The following STIM1 variants were observed in gnomAD, a reference collection of about 807,000 sequenced individuals.
STIM1 encodes the protein stromal interaction molecule 1.
Under a neutral mutation model 74.7 loss-of-function variants are expected in STIM1, and 25 were observed. The ratio of observed to expected loss-of-function variants is 0.33; its 90% CI spans 0.24 to 0.47. The LOEUF is 0.47. Among genes scored for constraint, STIM1 ranks in the 20% least tolerant of loss-of-function variants. The pLI, the probability that STIM1 is intolerant of heterozygous loss-of-function variation, is 1.00. For missense variants in STIM1, 728 were observed against 920.8 expected, an observed-to-expected ratio of 0.79 and a Z score of 2.71; for synonymous variants, 328 against 348.8, an observed-to-expected ratio of 0.94 and a Z score of 0.66.
At chr11:3,908,778 C>T (rs558343984) in intron 1 of STIM1, among the ~76,000 whole-genome samples, 1 of 152,180 alleles carries the variant, frequency 6.6e-6, no homozygotes, top group South Asian at 2.1e-4. Context: ...AACCACAAGC[C>T]TAGAAACCAG....
chr11:4,066,826 C>G (rs1219318882), intron 5 of STIM1, among the ~76,000 whole-genome samples: 2 of 152,118 alleles, frequency 1.3e-5, no homozygotes, highest in Non-Finnish European at 2.9e-5. Flanking sequence ...AGGGAGAAGA[C>G]AGTAGGAATT....
chr11:3,884,884 T>C (rs973450418), intron 1 of STIM1, among the ~76,000 whole-genome samples: 3 of 152,120 alleles, frequency 2.0e-5, no homozygotes, highest in African/African-American at 7.2e-5. Flanking sequence ...CTTGAAAACA[T>C]TATGCTAAGT....
At chr11:3,892,726 G>T (rs2091935151) in intron 1 of STIM1, 6 of 1,613,028 alleles carry the variant, frequency 3.7e-6, no homozygotes, top group Non-Finnish European at 5.1e-6. Context: ...GAATAATTCT[G>T]TGAAAGCAGG....
chr11:4,000,698 C>G (rs560942088), intron 2 of STIM1, among the ~76,000 whole-genome samples: 14 of 152,346 alleles, frequency 9.2e-5, no homozygotes, highest in African/African-American at 3.4e-4. Flanking sequence ...TCCAAAGGAA[C>G]GCAGTTCCTC....
At chr11:4,060,308 C>T (rs2094321680) in intron 5 of STIM1, among the ~76,000 whole-genome samples, 1 of 152,226 alleles carries the variant, frequency 6.6e-6, no homozygotes, top group African/African-American at 2.4e-5. Context: ...TTGGGAATGG[C>T]TGGCCTCGAT....
intron 1 of STIM1, among the ~76,000 whole-genome samples, chr11:3,856,950 T>C (rs1317594247): frequency 2.0e-5 from 3 of 152,158 alleles, no homozygotes; most frequent in Non-Finnish European, 4.4e-5. Context: ...ATTTGAAATA[T>C]CCAGGCGGTT....
chr11:4,072,833 T>A (rs1381039816), intron 6 of STIM1, among the ~76,000 whole-genome samples: 1 of 152,182 alleles, frequency 6.6e-6, no homozygotes, highest in Non-Finnish European at 1.5e-5. Flanking sequence ...GGGAAGGAGA[T>A]GGCAGGAAAT....
chr11:3,961,450 G>T, intron 1 of STIM1: 1 of 183,604 alleles, frequency 5.4e-6, no homozygotes. Context: ...GGCCAAATGA[G>T]AAGCATTGAA....
chr11:3,894,151 C>G (rs570244359), intron 1 of STIM1, among the ~76,000 whole-genome samples: 1 of 152,322 alleles, frequency 6.6e-6, no homozygotes, highest in African/African-American at 2.4e-5. Flanking sequence ...TAGCTGTTCT[C>G]TAACAGCACC....
intron 1 of STIM1, among the ~76,000 whole-genome samples, chr11:3,901,135 C>G (rs1161212795): frequency 6.6e-6 from 1 of 152,060 alleles, no homozygotes; most frequent in Non-Finnish European, 1.5e-5. Flanking sequence ...AGGCTGCAGT[C>G]ACACCACTGC....
At chr11:3,950,134 ATT>A (rs574446467) in intron 1 of STIM1, among the ~76,000 whole-genome samples, 12 of 132,154 alleles carry the variant, frequency 9.1e-5, no homozygotes, top group Non-Finnish European at 8.2e-5. Flanking sequence ...TAGGTCATTC[ATT>A]TTTTTTTTTT....
At chr11:4,032,975 G>T (rs578257383) in intron 3 of STIM1, among the ~76,000 whole-genome samples, 1 of 152,186 alleles carries the variant, frequency 6.6e-6, no homozygotes, top group South Asian at 2.1e-4. Context: ...TTCTTCTAGG[G>T]TTTTTATGGT....
chr11:4,004,040 G>C (rs941558681), intron 2 of STIM1, among the ~76,000 whole-genome samples: 3 of 152,190 alleles, frequency 2.0e-5, no homozygotes, highest in Non-Finnish European at 2.9e-5. Context: ...GAAGGGACGT[G>C]AATGACCTCT....
intron 1 of STIM1, among the ~76,000 whole-genome samples, chr11:3,954,368 T>A (rs1427118404): frequency 1.3e-5 from 2 of 152,202 alleles, no homozygotes; most frequent in East Asian, 3.8e-4. Flanking sequence ...GTTCAACAAA[T>A]GTTCATTGAA....
chr11:4,033,626 C>T (rs545338382), intron 3 of STIM1, among the ~76,000 whole-genome samples: 3 of 150,170 alleles, frequency 2.0e-5, no homozygotes, highest in East Asian at 2.0e-4. Flanking sequence ...GTCGGAGTCT[C>T]GCCCTGTCGC....
At chr11:3,895,608 C>CTCTCTCTTTCTT (rs1565104460) in intron 1 of STIM1, among the ~76,000 whole-genome samples, 2 of 53,120 alleles carry the variant, frequency 3.8e-5, no homozygotes, top group Admixed American at 3.8e-4. Context: ...TTCTTTCTCT[C>CTCTCTCTTTCTT]TCTTTCTTTC....
chr11:4,001,118 C>T (rs921918329), intron 2 of STIM1, among the ~76,000 whole-genome samples: 71 of 152,250 alleles, frequency 4.7e-4, no homozygotes, highest in Non-Finnish European at 8.2e-4. Flanking sequence ...GATTGGTGTA[C>T]CTGAAAGTGA....
intron 1 of STIM1, among the ~76,000 whole-genome samples, chr11:3,857,011 A>T (rs991714037): frequency 1.3e-5 from 2 of 151,078 alleles, no homozygotes; most frequent in African/African-American, 4.9e-5. Context: ...CCTTTTCTTG[A>T]CATAGACATG....
chr11:3,888,958 T>C (rs1056146182), intron 1 of STIM1, among the ~76,000 whole-genome samples: 1 of 151,830 alleles, frequency 6.6e-6, no homozygotes, highest in Admixed American at 6.6e-5. Flanking sequence ...GCTCTGTAAA[T>C]GTATAGATCT....
Sources: gnomAD v4.1 joint callset for allele counts (sites outside exome capture counted in the v4.1 genomes callset) on GRCh38, gnomAD v4.1.1 for gene constraint, MANE v1.5 for transcripts, NCBI Gene and HGNC (gene_info 2026-07-23, HGNC 2026-07-21) for gene names.